TRMT10A: variants seen among roughly 807,000 people sequenced by gnomAD.
The protein encoded by TRMT10A is tRNA methyltransferase 10 homolog A.
Under a neutral mutation model 40.4 loss-of-function variants are expected in TRMT10A, and 37 were observed. That is an observed-to-expected ratio of 0.92 (90% CI 0.71 to 1.21). The LOEUF is 1.21. TRMT10A is among the 50% of genes most tolerant of loss of function. The probability of loss-of-function intolerance (pLI) is 0.00; values close to 1 mark genes in which losing one functional copy is unlikely to be tolerated. For missense variants in TRMT10A, 388 were observed against 404.3 expected, an observed-to-expected ratio of 0.96 and a Z score of 0.35; for synonymous variants, 103 against 134.1, an observed-to-expected ratio of 0.77 and a Z score of 1.60.
chr4:99,557,493 T>A, intron 3 of TRMT10A, 77 bp from the exon 4 acceptor site: 1 of 1,261,002 alleles, frequency 7.9e-7, no homozygotes, highest in Non-Finnish European at 1.1e-6. Flanking sequence ...AGGAATGGAA[T>A]AAGCAGAAGG....
chr4:99,560,147 G>T (rs1303459979), intron 1 of TRMT10A, among the ~76,000 whole-genome samples: 2 of 151,800 alleles, frequency 1.3e-5, no homozygotes, highest in Non-Finnish European at 2.9e-5. Context: ...CAATAACCAA[G>T]AAATAAATTC....
intron 1 of TRMT10A, among the ~76,000 whole-genome samples, chr4:99,562,606 A>G (rs1578218548): frequency 7.3e-6 from 1 of 137,776 alleles, no homozygotes; most frequent in Non-Finnish European, 1.5e-5. Flanking sequence ...GCTCACTGCA[A>G]CCTCTGCCTC....
chr4:99,558,191 C>A lies in TRMT10A; in HGVS notation c.206G>T (p.Arg69Leu), dbSNP rs147815779. ...TTGTCGCTCTAATTTTTTCCTCTTG[C>A]GTTTTTCTTTTCGCTTTTGTCTAAA... ...ELRKQKRKEK[R>L]KRKKLERQCQ... Residue 69 changes from arginine to leucine, a missense_variant, in exon 3 of 8, where the codon CGC becomes CTC. By Grantham distance (102) the Arg-to-Leu change is moderately radical (BLOSUM62 -2). Coordinates refer to ENST00000394876, the MANE Select transcript of TRMT10A (RefSeq NM_001134665.3). 4.1e-5 allele frequency: 66 copies of A among 1,595,934 alleles called. No individual in the cohort carries two copies. Among genetic ancestry groups the A allele is most frequent in the Non-Finnish European group, 5.4e-5 (64 of 1,175,206 alleles).
intron 7 of TRMT10A, among the ~76,000 whole-genome samples, chr4:99,549,853 G>T (rs1037886199): frequency 6.6e-6 from 1 of 152,120 alleles, no homozygotes; most frequent in African/African-American, 2.4e-5. Flanking sequence ...CTGCTGAAGG[G>T]CTAACCTGAA....
intron 1 of TRMT10A, among the ~76,000 whole-genome samples, chr4:99,559,574 C>T (rs1455980128): frequency 1.3e-5 from 2 of 152,166 alleles, no homozygotes; most frequent in South Asian, 2.1e-4. Flanking sequence ...TCATATACTA[C>T]TGGTGGTCAT....
chr4:99,562,886 A>G (rs563247274), intron 1 of TRMT10A, among the ~76,000 whole-genome samples: 19 of 151,026 alleles, frequency 1.3e-4, no homozygotes, highest in African/African-American at 4.1e-4. Context: ...CAATGGCGCA[A>G]TCTCGGCTGA....
intron 6 of TRMT10A, among the ~76,000 whole-genome samples, chr4:99,552,572 G>A (rs913765539): frequency 6.6e-6 from 1 of 151,942 alleles, no homozygotes; most frequent in African/African-American, 2.4e-5. Context: ...AGCAACATAC[G>A]ACTGAACTTA....
chr4:99,549,087 A>C lies in TRMT10A; in HGVS notation c.*1T>G, dbSNP rs767115385. ...TTAAACTAAAAGGAAACCAGGTAAC[A>C]TTAGTGTGGCAGAGAGTTCACTGTA... On this transcript the variant is annotated 3_prime_UTR_variant, in exon 8 of 8. Transcript: ENST00000394876. 10 of 1,613,116 alleles carry C rather than the reference A, an allele frequency of 6.2e-6. No homozygotes were observed. In the Admixed American group the frequency reaches 1.0e-4, roughly 16 times the overall value.
chr4:99,549,577 C>G (rs943832409), intron 7 of TRMT10A, among the ~76,000 whole-genome samples: 4 of 152,158 alleles, frequency 2.6e-5, no homozygotes, highest in African/African-American at 9.7e-5. Context: ...TTCTTAAGCA[C>G]TCAGAAATTT....
At chr4:99,551,023 C>T (rs1258096487) in intron 6 of TRMT10A, 33 bp from the exon 7 acceptor site, 6 of 1,435,946 alleles carry the variant, frequency 4.2e-6, no homozygotes, top group Non-Finnish European at 2.9e-6. Flanking sequence ...TCGACAAGAA[C>T]ATTAAATTAT....
At chr4:99,557,151 G>T (rs907214116) in intron 4 of TRMT10A, among the ~76,000 whole-genome samples, 194 bp downstream of exon 4, 2 of 152,180 alleles carry the variant, frequency 1.3e-5, no homozygotes, top group African/African-American at 4.8e-5. Context: ...TTACTGGAAA[G>T]AGTGTGTCTA....
At chr4:99,563,847 C>G (rs1724572720) in intron 1 of TRMT10A, 66 bp downstream of exon 1, 2 of 670,488 alleles carry the variant, frequency 3.0e-6, no homozygotes, top group African/African-American at 1.8e-5. Context: ...CTGCATGGCA[C>G]GCGCCCCTTT....
Position 99,547,556 on chromosome 4 carries a change from CATTT to C in TRMT10A, c.*1528_*1531del, listed in dbSNP as rs1723784957. On this transcript the variant is annotated 3_prime_UTR_variant, in exon 8 of 8. Coordinates refer to ENST00000394876, the MANE Select transcript of TRMT10A (RefSeq NM_001134665.3). ...CATAATATTTCATGCTAATAAACCA[CATTT>C]ACTCAGAAAAACATGAACCTTTGAA... 2.0e-5 allele frequency: 3 copies of C among 152,118 alleles called. No homozygotes were observed. Among genetic ancestry groups the C allele is most frequent in the African/African-American group, 7.2e-5 (3 of 41,532 alleles). 9.4% of individuals were successfully genotyped at this position (152,118 alleles called of 1,614,324 possible).
At chr4:99,563,153 A>C (rs1724518878) in intron 1 of TRMT10A, among the ~76,000 whole-genome samples, 1 of 152,204 alleles carries the variant, frequency 6.6e-6, no homozygotes, top group Non-Finnish European at 1.5e-5. Context: ...TGCGGACTAA[A>C]CGTGGAGGAG....
At chr4:99,549,478 C>A in intron 7 of TRMT10A, 122 bp from the exon 8 acceptor site, 3 of 1,254,164 alleles carry the variant, frequency 2.4e-6, no homozygotes, top group Non-Finnish European at 3.3e-6. Flanking sequence ...CTACTTTGTT[C>A]TTAGCTCTTC....
Position 99,549,194 on chromosome 4 carries a change from T to G in TRMT10A, c.914A>C (p.Asp305Ala), listed in dbSNP as rs1438015825. 1 of 1,614,124 alleles carries G rather than the reference T, an allele frequency of 6.2e-7. No homozygotes were observed. The highest frequency in any genetic ancestry group is 8.5e-7 in the Non-Finnish European group (1 of 1,179,998). Residue 305 changes from aspartate (D) to alanine (A), a missense_variant, in exon 8 of 8, where the codon GAT (aspartate) becomes GCT (alanine). Physicochemically the swap from Asp to Ala is moderately radical, Grantham distance 126. Transcript: ENST00000394876. ...TCTGCTATATTCCTCCTCACTGGAA[T>G]CACTGTCCGATCCACCTTCCTCCAT... ...VRMEEGGSDS[D>A]SSEEEYSRNE...
chr4:99,553,016 C>T (rs898561337), intron 6 of TRMT10A, among the ~76,000 whole-genome samples: 3 of 151,818 alleles, frequency 2.0e-5, no homozygotes, highest in Non-Finnish European at 4.4e-5. Context: ...TAGAATTTTT[C>T]CACTAAGAAA....
Position 99,549,130 on chromosome 4 carries a change from C to T in TRMT10A, c.978G>A (p.Lys326=), listed in dbSNP as rs1045688551. 3.7e-6 allele frequency: 6 copies of T among 1,613,854 alleles called. No homozygotes were observed. The African/African-American group carries it at 8.0e-5, about 22-fold the overall frequency. ...TCACTGTAGATTCAGTGTGATTTTC[C>T]TTATCCTGCTTTTCTTCATGTGGTG... ...LDSPHEEKQD[K]ENHTESTVNS... The change falls in exon 8 of 8, where the codon AAG becomes AAA. Residue 326 remains lysine (K), a synonymous_variant. Transcript: ENST00000394876.
intron 5 of TRMT10A, 44 bp downstream of exon 5, chr4:99,556,102 T>TA (rs1324156600): frequency 6.3e-7 from 1 of 1,576,934 alleles, no homozygotes; most frequent in African/African-American, 1.4e-5. Context: ...TTTAGAAACA[T>TA]AAAAATACTT....
Sources: allele counts gnomAD v4.1 joint callset (sites outside exome capture counted in the v4.1 genomes callset), GRCh38; gene constraint gnomAD v4.1.1; transcripts MANE v1.5; gene names NCBI Gene and HGNC (gene_info 2026-07-23, HGNC 2026-07-21).